The following CDKL3 variants were observed in gnomAD, a reference collection of about 807,000 sequenced individuals.
CDKL3 encodes cyclin-dependent kinase-like 3.
Under a neutral mutation model 69.3 loss-of-function variants are expected in CDKL3, and 65 were observed. The observed-to-expected ratio is 0.94, with a 90% CI of 0.77 to 1.15. The LOEUF is 1.15. Ranked by LOEUF, CDKL3 falls within the 50% of genes most tolerant of loss-of-function variation. The probability of loss-of-function intolerance (pLI) is 0.00; values close to 1 mark genes in which losing one functional copy is unlikely to be tolerated. For missense variants in CDKL3, 652 were observed against 689.2 expected, an observed-to-expected ratio of 0.95 and a Z score of 0.61; for synonymous variants, 202 against 221.6, an observed-to-expected ratio of 0.91 and a Z score of 0.79.
intron 4 of CDKL3, among the ~76,000 whole-genome samples, chr5:134,344,680 T>C (rs1751370807): frequency 6.6e-6 from 1 of 152,104 alleles, no homozygotes; most frequent in Non-Finnish European, 1.5e-5. Flanking sequence ...TCCTAACACA[T>C]TGGTAGGCTG....
chr5:134,321,815 G>A lies in CDKL3; in HGVS notation c.628C>T (p.Leu210Phe), dbSNP rs566841213. The change falls in exon 5 of 13, where the codon CTC (leucine) becomes TTC (phenylalanine). Residue 210 changes from leucine (L) to phenylalanine (F), a missense_variant. By Grantham distance (22) the Leu-to-Phe change is conservative. Coordinates refer to ENST00000265334, the MANE Select transcript of CDKL3 (RefSeq NM_001113575.2). ...YLPSSSDLDL[L>F]HKIVLKVGNL... ...CCCACTTTCAAAACAATTTTATGGA[G>A]TAAATCCAAATCAGAACTACTAGGA... The A allele has an allele frequency of 1.2e-6, 2 of 1,605,354 alleles. No individual in the cohort carries two copies. The highest frequency in any genetic ancestry group is 3.3e-5 in the Admixed American group (2 of 59,840).
At chr5:134,314,444 G>C (rs989541597) in intron 6 of CDKL3, among the ~76,000 whole-genome samples, 1 of 152,138 alleles carries the variant, frequency 6.6e-6, no homozygotes, top group Non-Finnish European at 1.5e-5. Context: ...TCTGTTCTTA[G>C]ATATTTCTGC....
chr5:134,358,167 A>G (rs1755072382), intron 3 of CDKL3, among the ~76,000 whole-genome samples: 1 of 152,302 alleles, frequency 6.6e-6, no homozygotes, highest in African/African-American at 2.4e-5. Context: ...GGTAAATTTC[A>G]AGGTTCTGGA....
chr5:134,315,827 CAAT>C (rs1397573455), intron 6 of CDKL3, among the ~76,000 whole-genome samples: 1 of 151,882 alleles, frequency 6.6e-6, no homozygotes, highest in East Asian at 1.9e-4. Context: ...TCTCAAATAA[CAAT>C]AATAATATCC....
At chr5:134,357,211 T>C (rs1383044979) in intron 3 of CDKL3, among the ~76,000 whole-genome samples, 1 of 152,062 alleles carries the variant, frequency 6.6e-6, no homozygotes, top group African/African-American at 2.4e-5. Context: ...TTTGGGAGGC[T>C]AAGGTGGGCG....
At chr5:134,283,637 C>G (rs1373422403), downstream of CDKL3, among the ~76,000 whole-genome samples, 1 of 152,094 alleles carries the variant, frequency 6.6e-6, no homozygotes, top group Non-Finnish European at 1.5e-5. Flanking sequence ...ACAGCCAAAC[C>G]ATATCATTCC....
At position 134,298,494 on chromosome 5, in the gene CDKL3, G is replaced by T; in HGVS notation, c.*157C>A. On this transcript the variant is annotated 3_prime_UTR_variant, in exon 13 of 13. Coordinates refer to ENST00000265334, the MANE Select transcript of CDKL3 (RefSeq NM_001113575.2). ...ATCAACAGAGTCTTAAAAGGGAAAAGAAAACAGTAAATGTTTTGCTAACAA... is the reference window on the plus strand; with the variant it reads ...ATCAACAGAGTCTTAAAAGGGAAAATAAAACAGTAAATGTTTTGCTAACAA... 7.1e-7 allele frequency: 1 copy of T among 1,417,794 alleles called. No individual in the cohort carries two copies. The highest frequency in any genetic ancestry group is 9.2e-7 in the Non-Finnish European group (1 of 1,090,936). 87.8% of individuals were successfully genotyped at this position (1,417,794 alleles called of 1,614,324 possible).
upstream of CDKL3, among the ~76,000 whole-genome samples, chr5:134,369,056 GA>G (rs1561671455): frequency 6.6e-6 from 1 of 152,136 alleles, no homozygotes; most frequent in Non-Finnish European, 1.5e-5. Context: ...CCAGGACAAA[GA>G]TGAACCAAAC....
intron 7 of CDKL3, 99 bp from the exon 8 acceptor site, chr5:134,308,826 C>G: frequency 1.1e-5 from 11 of 1,023,502 alleles, no homozygotes; most frequent in Non-Finnish European, 1.4e-5. Context: ...TACATTTCAG[C>G]TACAGCATAA....
chr5:134,326,727 G>A (rs943038536), intron 4 of CDKL3, among the ~76,000 whole-genome samples: 2 of 150,014 alleles, frequency 1.3e-5, no homozygotes, highest in Admixed American at 6.7e-5. Flanking sequence ...TGCAACCTCC[G>A]CCTCCCAGGT....
chr5:134,370,502 C>G (rs1758252632), upstream of CDKL3, among the ~76,000 whole-genome samples: 1 of 152,184 alleles, frequency 6.6e-6, no homozygotes, highest in Admixed American at 6.5e-5. Context: ...GACAACCAAC[C>G]ACTCATTGAT....
chr5:134,350,492 A>G, intron 3 of CDKL3, 65 bp from the exon 4 acceptor site: 1 of 1,125,704 alleles, frequency 8.9e-7, no homozygotes. Flanking sequence ...TCTCTCAAAA[A>G]TTATACTGAG....
At chr5:134,299,007 GGATT>G (rs1334955328) in intron 12 of CDKL3, among the ~76,000 whole-genome samples, 2 of 151,998 alleles carry the variant, frequency 1.3e-5, no homozygotes, top group Non-Finnish European at 2.9e-5. Flanking sequence ...TGAGTAGCTG[GGATT>G]ACAGGTGCAC....
intron 2 of CDKL3, among the ~76,000 whole-genome samples, chr5:134,363,817 C>T (rs1313672663): frequency 7.2e-5 from 11 of 151,916 alleles, no homozygotes; most frequent in Admixed American, 7.2e-4. Context: ...TTAGGCCAGG[C>T]ACAGTGGCTC....
Position 134,350,314 on chromosome 5 carries a change from C to T in CDKL3, c.474G>A (p.Thr158=), listed in dbSNP as rs758128310. The change falls in exon 4 of 13, where the codon ACG becomes ACA. Residue 158 remains threonine (T), a synonymous_variant. Coordinates refer to ENST00000265334, the MANE Select transcript of CDKL3 (RefSeq NM_001113575.2). ...TATACCAGCGTGTGGCCACATAGTC[C>T]GTATAAATGTCCCCAGGAGCTGCTA... ...RTLAAPGDIY[T]DYVATRWYRA... 1.0e-5 allele frequency: 16 copies of T among 1,594,190 alleles called. No homozygotes were observed. The highest frequency in any genetic ancestry group is 4.6e-5 in the South Asian group (4 of 87,658).
intron 6 of CDKL3, among the ~76,000 whole-genome samples, chr5:134,315,771 G>A (rs938531007): frequency 2.0e-5 from 3 of 152,150 alleles, no homozygotes; most frequent in South Asian, 2.1e-4. Context: ...AGGATTGGTC[G>A]AGCTCAGGAG....
At chr5:134,350,198 C>G in intron 4 of CDKL3, 51 bp downstream of exon 4, 1 of 1,408,248 alleles carries the variant, frequency 7.1e-7, no homozygotes. Flanking sequence ...AAAAAATAAA[C>G]AAAAAAAGAG....
intron 4 of CDKL3, among the ~76,000 whole-genome samples, chr5:134,332,698 C>CTTGTAGTA (rs1776096755): frequency 6.6e-6 from 1 of 152,078 alleles, no homozygotes; most frequent in South Asian, 2.1e-4. Context: ...TTACTGTAGC[C>CTTGTAGTA]TTGTAGTATA....
rs967403569 is a variant in CDKL3, at chr5:134,292,966, G to A, written c.*678-6407C>T. On this transcript the variant is annotated intron_variant and NMD_transcript_variant, in intron 8 of 8. Coordinates refer to the CDKL3 transcript ENST00000519312. ...TTGTATATTAAGATCCTTTCACAGT[G>A]AAAACTCCAGGCCCTGTTGGCCTCA... is the stretch of plus-strand genomic sequence containing the variant. 1.2e-4 allele frequency among the ~76,000 whole-genome samples: 16 copies of A among 136,880 alleles called. No homozygotes were observed. The South Asian group carries it at 1.3e-3, about 11-fold the overall frequency. 89.8% of individuals were successfully genotyped at this position (136,880 alleles called of 152,430 possible).
Sources: gnomAD v4.1 joint callset for allele counts (sites outside exome capture counted in the v4.1 genomes callset) on GRCh38, gnomAD v4.1.1 for gene constraint, MANE v1.5 for transcripts, NCBI Gene and HGNC (gene_info 2026-07-23, HGNC 2026-07-21) for gene names.